Variants in DAB1 observed in about 807,000 individuals in gnomAD.
DAB1 encodes the protein disabled homolog 1.
Under a neutral mutation model 64.6 loss-of-function variants are expected in DAB1, and 15 were observed. The ratio of observed to expected loss-of-function variants is 0.23; its 90% CI spans 0.16 to 0.36. The LOEUF (loss-of-function observed/expected upper bound fraction) is 0.36, where lower values mean the gene tolerates loss of function less well. DAB1 is among the 10% of genes least tolerant of loss of function. DAB1 has a pLI of 1.00. For synonymous variants in DAB1, 235 were observed against 251.9 expected (o/e 0.93, Z 0.64); for missense variants, 596 against 706.7 (o/e 0.84, Z 1.78).
chr1:57,159,178 T>C (rs1053400789), intron 2 of DAB1, among the ~76,000 whole-genome samples: 4 of 152,202 alleles, frequency 2.6e-5, no homozygotes, highest in African/African-American at 9.6e-5. Flanking sequence ...TTCAGGTTTT[T>C]TTTTTCTTCC....
chr1:58,444,340 G>A (rs1432916838), intron 3 of DAB1, among the ~76,000 whole-genome samples: 1 of 152,222 alleles, frequency 6.6e-6, no homozygotes, highest in Non-Finnish European at 1.5e-5. Flanking sequence ...CACATCAACG[G>A]TATAAGGTAG....
intron 2 of DAB1, among the ~76,000 whole-genome samples, chr1:57,268,642 G>A (rs1269308768): frequency 2.0e-5 from 3 of 152,180 alleles, no homozygotes; most frequent in African/African-American, 7.2e-5. Context: ...AATAAAATAA[G>A]GAGAGCTGTC....
intron 2 of DAB1, among the ~76,000 whole-genome samples, chr1:57,290,292 G>A (rs899842322): frequency 6.6e-6 from 1 of 152,130 alleles, no homozygotes; most frequent in South Asian, 2.1e-4. Context: ...TTTCGGGCTG[G>A]ATTAAGAGTC....
At chr1:57,022,247 G>C (rs768228009) in intron 11 of DAB1, among the ~76,000 whole-genome samples, 1 of 152,092 alleles carries the variant, frequency 6.6e-6, no homozygotes, top group Non-Finnish European at 1.5e-5. Context: ...ACAAAGCATG[G>C]GCACTCCGAA....
chr1:58,482,727 T>C (rs1645509629), intron 3 of DAB1, among the ~76,000 whole-genome samples: 1 of 152,042 alleles, frequency 6.6e-6, no homozygotes, highest in Non-Finnish European at 1.5e-5. Flanking sequence ...AAAGAGACCA[T>C]GTGGCAACCT....
At chr1:57,548,155 T>C (rs1644876216) in intron 7 of DAB1, among the ~76,000 whole-genome samples, 1 of 152,238 alleles carries the variant, frequency 6.6e-6, no homozygotes, top group South Asian at 2.1e-4. Context: ...TATTTATTAA[T>C]AATTGCCCAA....
intron 4 of DAB1, among the ~76,000 whole-genome samples, chr1:58,154,816 T>C (rs926350157): frequency 9.9e-5 from 15 of 152,096 alleles, no homozygotes; most frequent in Non-Finnish European, 1.8e-4. Flanking sequence ...CCAGAGAAAA[T>C]ATCCCAGTTA....
chr1:57,832,996 C>T (rs1652656452), intron 1 of DAB1, among the ~76,000 whole-genome samples: 1 of 150,996 alleles, frequency 6.6e-6, no homozygotes, highest in Admixed American at 6.6e-5. Context: ...GCCTCTCAGG[C>T]TGTGGATAGG....
intron 1 of DAB1, among the ~76,000 whole-genome samples, chr1:57,828,755 T>G (rs887537644): frequency 6.6e-6 from 1 of 152,196 alleles, no homozygotes; most frequent in Non-Finnish European, 1.5e-5. Flanking sequence ...ATAAAGCAGG[T>G]GGAATCTGAG....
chr1:58,450,033 C>G (rs769399411), intron 3 of DAB1, among the ~76,000 whole-genome samples: 1 of 152,054 alleles, frequency 6.6e-6, no homozygotes, highest in Non-Finnish European at 1.5e-5. Flanking sequence ...AATGGGAGTA[C>G]GTGACATAAT....
rs146253171 is a variant in DAB1, at chr1:58,193,204, T to C, written n.310-42616A>G. Among the ~76,000 whole-genome samples the C allele has an allele frequency of 9.2e-5, 14 of 152,262 alleles. 1 individual carries two copies. In the East Asian group the frequency reaches 2.5e-3, roughly 27 times the overall value. Reference sequence around the variant, plus strand: ...GAAGTGAGTAAGTCTCACTGTTTCATTGAGAGCTGATTGTTTAAAAGAACC... The same window carrying C: ...GAAGTGAGTAAGTCTCACTGTTTCACTGAGAGCTGATTGTTTAAAAGAACC... On this transcript the variant is annotated intron_variant and non_coding_transcript_variant, in intron 4 of 20. Coordinates refer to the DAB1 transcript ENST00000485760.
At chr1:58,400,478 C>T (rs112730382) in intron 3 of DAB1, among the ~76,000 whole-genome samples, 16 of 152,152 alleles carry the variant, frequency 1.1e-4, no homozygotes, top group African/African-American at 3.4e-4. Context: ...ACAGACACCC[C>T]GAGGGTATTT....
chr1:58,194,105 A>G (rs1657537365), intron 4 of DAB1, among the ~76,000 whole-genome samples: 1 of 152,204 alleles, frequency 6.6e-6, no homozygotes, highest in Non-Finnish European at 1.5e-5. Flanking sequence ...TAAATGCCTC[A>G]TAGTCATTCA....
intron 5 of DAB1, among the ~76,000 whole-genome samples, chr1:58,003,916 C>G (rs1382673477): frequency 6.6e-6 from 1 of 152,168 alleles, no homozygotes; most frequent in Non-Finnish European, 1.5e-5. Flanking sequence ...CCTCAGCCAC[C>G]CCCAGCCGAA....
chr1:57,503,903 T>G (rs1644316567), intron 7 of DAB1, among the ~76,000 whole-genome samples: 2 of 152,206 alleles, frequency 1.3e-5, no homozygotes, highest in African/African-American at 4.8e-5. Context: ...AGCCCTGGGT[T>G]GCAGGGGGGT....
chr1:58,041,033 G>C (rs1016461484), intron 5 of DAB1, among the ~76,000 whole-genome samples: 3 of 152,164 alleles, frequency 2.0e-5, no homozygotes, highest in Non-Finnish European at 4.4e-5. Flanking sequence ...AGCTACACTG[G>C]TCTCTAGCTC....
chr1:58,149,681 C>G (rs1468387486), intron 5 of DAB1, among the ~76,000 whole-genome samples: 1 of 151,266 alleles, frequency 6.6e-6, no homozygotes, highest in Non-Finnish European at 1.5e-5. Context: ...GCTGCACATA[C>G]GCACACACAC....
intron 7 of DAB1, among the ~76,000 whole-genome samples, chr1:57,534,559 C>T (rs1187281118): frequency 6.6e-6 from 1 of 152,158 alleles, no homozygotes; most frequent in Admixed American, 6.5e-5. Flanking sequence ...GGCATCACAC[C>T]CTCCCAGTTC....
At chr1:57,466,015 T>C (rs1316574031) in intron 7 of DAB1, among the ~76,000 whole-genome samples, 2 of 152,206 alleles carry the variant, frequency 1.3e-5, no homozygotes, top group Non-Finnish European at 2.9e-5. Context: ...CTTACCTAAA[T>C]GCTCTCTTTA....
Sources: allele counts gnomAD v4.1 joint callset (sites outside exome capture counted in the v4.1 genomes callset), GRCh38; gene constraint gnomAD v4.1.1; transcripts MANE v1.5; gene names NCBI Gene and HGNC (gene_info 2026-07-23, HGNC 2026-07-21).